Variants in PLCB4 observed in about 807,000 individuals in gnomAD.
The protein encoded by PLCB4 is 1-phosphatidylinositol 4,5-bisphosphate phosphodiesterase beta-4.
A neutral mutation model predicts 178.8 loss-of-function variants in PLCB4; 77 were observed. That is an observed-to-expected ratio of 0.43 (90% CI 0.36 to 0.52). PLCB4 has a LOEUF of 0.52. Among genes scored for constraint, PLCB4 ranks in the 20% least tolerant of loss-of-function variants. PLCB4 has a pLI of 0.00. For missense variants in PLCB4, 1,024 were observed against 1,453.4 expected, an observed-to-expected ratio of 0.70 and a Z score of 4.80; for synonymous variants, 496 against 490.8, an observed-to-expected ratio of 1.01 and a Z score of -0.14.
intron 4 of PLCB4, among the ~76,000 whole-genome samples, chr20:9,332,891 G>A (rs969365497): frequency 8.5e-5 from 13 of 152,060 alleles, no homozygotes; most frequent in African/African-American, 3.1e-4. Flanking sequence ...GTCAAACAGT[G>A]CTCCTGGTTC....
rs191156629 is a variant in PLCB4, at chr20:9,278,445, C to G, written c.-15-29355C>G. ...CTGTGTTAATCTACATTTTCAGGTA[C>G]TTCTACTCAAGAGAAGCACAGAAAA... On this transcript the variant is annotated intron_variant, in intron 3 of 39. Coordinates refer to ENST00000378473, the MANE Select transcript of PLCB4 (RefSeq NM_001377142.1). Among the ~76,000 whole-genome samples, 365 of 152,096 alleles carry G rather than the reference C, an allele frequency of 2.4e-3. 2 individuals are homozygous for G. The highest frequency in any genetic ancestry group is 0.01 in the Middle Eastern group (3 of 294).
intron 32 of PLCB4, among the ~76,000 whole-genome samples, chr20:9,450,802 C>T (rs55930225): frequency 0.019 from 2,946 of 151,718 alleles, 96 homozygotes; most frequent in African/African-American, 0.066. Flanking sequence ...GAGTGCACCA[C>T]CATGCCCGGC....
At chr20:9,385,553 C>T (rs371053295) in intron 14 of PLCB4, among the ~76,000 whole-genome samples, 44 of 145,770 alleles carry the variant, frequency 3.0e-4, no homozygotes, top group African/African-American at 1.0e-3. Context: ...GGGTGGCGGC[C>T]GGGCAAAGGC....
intron 2 of PLCB4, among the ~76,000 whole-genome samples, chr20:9,155,853 C>T (rs80063293): frequency 0.011 from 1,654 of 152,230 alleles, 14 homozygotes; most frequent in Middle Eastern, 0.02. Context: ...ATACCTACAT[C>T]GTGCCCACTT....
chr20:9,140,944 G>T (rs1166511599), intron 2 of PLCB4, among the ~76,000 whole-genome samples: 1 of 152,100 alleles, frequency 6.6e-6, no homozygotes, highest in Non-Finnish European at 1.5e-5. Context: ...AAGAAGTTAA[G>T]ACTAGCCTCG....
intron 12 of PLCB4, among the ~76,000 whole-genome samples, chr20:9,378,693 C>T (rs978976890): frequency 1.3e-4 from 20 of 152,234 alleles, no homozygotes; most frequent in Admixed American, 3.9e-4. Flanking sequence ...TGTTGTGAGC[C>T]ATAATTTCTT....
At chr20:9,237,806 T>C (rs945901138) in intron 3 of PLCB4, among the ~76,000 whole-genome samples, 2 of 152,240 alleles carry the variant, frequency 1.3e-5, no homozygotes, top group African/African-American at 4.8e-5. Context: ...TATCCTGATA[T>C]AGATTGTGAA....
intron 2 of PLCB4, among the ~76,000 whole-genome samples, chr20:9,193,569 G>T (rs927984918): frequency 6.6e-6 from 1 of 152,124 alleles, no homozygotes; most frequent in Non-Finnish European, 1.5e-5. Flanking sequence ...TAAGCGTGAG[G>T]GGATGAAGAG....
At chr20:9,340,704 G>C (rs921463333) in intron 7 of PLCB4, among the ~76,000 whole-genome samples, 2 of 152,072 alleles carry the variant, frequency 1.3e-5, no homozygotes, top group African/African-American at 4.8e-5. Flanking sequence ...CACATTGCCT[G>C]GGTTCAAATC....
intron 2 of PLCB4, among the ~76,000 whole-genome samples, chr20:9,203,897 C>A (rs2093583784): frequency 6.7e-6 from 1 of 149,806 alleles, no homozygotes; most frequent in Non-Finnish European, 1.5e-5. Context: ...GTCTGAGAAC[C>A]ATGTCTGTTC....
intron 2 of PLCB4, among the ~76,000 whole-genome samples, chr20:9,140,931 T>A (rs750889967): frequency 7.0e-4 from 106 of 152,122 alleles, no homozygotes; most frequent in African/African-American, 2.4e-3. Context: ...TTTATCTTGA[T>A]GAAAGAAGTT....
intron 27 of PLCB4, among the ~76,000 whole-genome samples, chr20:9,421,850 G>T (rs2040663006): frequency 6.6e-6 from 1 of 152,190 alleles, no homozygotes; most frequent in Non-Finnish European, 1.5e-5. Flanking sequence ...TTGGTCAATA[G>T]ATGTCACTAC....
intron 28 of PLCB4, among the ~76,000 whole-genome samples, chr20:9,425,568 T>C (rs2040939681): frequency 6.6e-6 from 1 of 152,278 alleles, no homozygotes; most frequent in Non-Finnish European, 1.5e-5. Context: ...CAGAAACATC[T>C]GTATTTACAA....
chr20:9,107,722 G>C (rs1455684097), intron 2 of PLCB4, among the ~76,000 whole-genome samples: 1 of 152,080 alleles, frequency 6.6e-6, no homozygotes, highest in Non-Finnish European at 1.5e-5. Context: ...GGAATAGGGA[G>C]CCTTTGGAGA....
intron 3 of PLCB4, among the ~76,000 whole-genome samples, chr20:9,284,325 G>C (rs539519269): frequency 6.6e-6 from 1 of 152,082 alleles, no homozygotes; most frequent in Non-Finnish European, 1.5e-5. Context: ...AAGGCCCTGA[G>C]GCAGAATTGC....
intron 33 of PLCB4, among the ~76,000 whole-genome samples, chr20:9,454,076 C>G (rs2042922971): frequency 6.6e-6 from 1 of 152,196 alleles, no homozygotes; most frequent in South Asian, 2.1e-4. Context: ...CTCAATCTCT[C>G]CCTGTCTTTT....
intron 3 of PLCB4, among the ~76,000 whole-genome samples, chr20:9,278,684 G>T (rs1379942456): frequency 7.2e-5 from 11 of 151,898 alleles, no homozygotes; most frequent in Non-Finnish European, 1.3e-4. Context: ...CAGTTTGAGG[G>T]AGCTGCATTG....
At chr20:9,230,365 G>T (rs994645480) in intron 3 of PLCB4, among the ~76,000 whole-genome samples, 19 of 151,994 alleles carry the variant, frequency 1.3e-4, no homozygotes, top group Admixed American at 6.6e-4. Context: ...TCCATAATAA[G>T]CAGTATAGGG....
intron 2 of PLCB4, among the ~76,000 whole-genome samples, chr20:9,156,929 G>A (rs1460000704): frequency 7.0e-6 from 1 of 143,316 alleles, no homozygotes; most frequent in East Asian, 2.2e-4. Context: ...GAACTAGATG[G>A]ATCAACTCAA....
Sources: gnomAD v4.1 joint callset for allele counts (sites outside exome capture counted in the v4.1 genomes callset) on GRCh38, gnomAD v4.1.1 for gene constraint, MANE v1.5 for transcripts, NCBI Gene and HGNC (gene_info 2026-07-23, HGNC 2026-07-21) for gene names.